SHMT2: variants seen among roughly 807,000 people sequenced by gnomAD.
SHMT2 encodes the protein serine hydroxymethyltransferase 2.
Under a neutral mutation model 59.6 loss-of-function variants are expected in SHMT2, and 38 were observed. The ratio of observed to expected loss-of-function variants is 0.64; its 90% CI spans 0.49 to 0.84. The LOEUF is 0.84. SHMT2 is among the 40% of genes least tolerant of loss of function. The pLI, the probability that SHMT2 is intolerant of heterozygous loss-of-function variation, is 0.00. For missense variants in SHMT2, 533 were observed against 659.5 expected (o/e 0.81, Z 2.10); for synonymous variants, 254 against 258.1 (o/e 0.98, Z 0.15).
chr12:57,233,276 C>T lies in SHMT2; in HGVS notation c.954C>T (p.Ala318=), dbSNP rs375063536. 3.4e-5 allele frequency: 54 copies of T among 1,609,432 alleles called. No individual in the cohort carries two copies. The South Asian group carries it at 3.8e-4, about 11-fold the overall frequency. Residue 318 remains alanine (A), a synonymous_variant, in exon 8 of 12, where the codon GCC becomes GCT. Coordinates refer to ENST00000328923, the MANE Select transcript of SHMT2 (RefSeq NM_005412.6). ...CATTTGAGGACCGAATCAACTTTGC[C>T]GTGTTCCCATCCCTGCAGGGGGGCC... is the stretch of plus-strand genomic sequence containing the variant. The part of the protein sequence containing the change: ...PYTFEDRINF[A]VFPSLQGGPH...
Position 57,230,927 on chromosome 12 carries a change from A to T in SHMT2, c.158A>T (p.Asp53Val). Reference protein sequence around the residue: ...WTGQESLSDSDPEMWELLQRE... With the variant: ...WTGQESLSDSVPEMWELLQRE... ...GGCCAGGAGAGCCTGTCGGACAGTG[A>T]TCCTGAGATGTGGGAGTTGCTGCAG... The change falls in exon 2 of 12, where the codon GAT becomes GTT. Residue 53 changes from aspartate (D) to valine (V), a missense_variant. Physicochemically the swap from Asp to Val is radical, Grantham distance 152 (BLOSUM62 -3). Coordinates refer to ENST00000328923, the MANE Select transcript of SHMT2 (RefSeq NM_005412.6). The T allele has an allele frequency of 6.2e-7, 1 of 1,613,992 alleles. No individual in the cohort carries two copies. Among genetic ancestry groups the T allele is most frequent in the Non-Finnish European group, 8.5e-7 (1 of 1,180,008 alleles).
At position 57,232,220 on chromosome 12, in the gene SHMT2, C is replaced by T. The variant is rs143094662; in HGVS notation, c.522C>T (p.His174=). The change falls in exon 5 of 12, where the codon CAC becomes CAT. Residue 174 remains histidine (H), a synonymous_variant. Transcript: ENST00000328923. The part of the protein sequence containing the change: ...LDLPDGGHLT[H]GYMSDVKRIS... ...TCCTCTCACTTCGCAGTCTCACCCA[C>T]GGCTACATGTCTGACGTCAAGCGGA... The T allele has an allele frequency of 1.2e-5, 20 of 1,614,122 alleles. No individual in the cohort carries two copies. The highest frequency in any genetic ancestry group is 8.0e-5 in the African/African-American group (6 of 75,048).
chr12:57,234,170 C>T, intron 11 of SHMT2, 60 bp downstream of exon 11: 3 of 1,613,754 alleles, frequency 1.9e-6, no homozygotes, highest in Non-Finnish European at 2.5e-6. Flanking sequence ...TGCTCCCTCC[C>T]CCAGCTGATC....
chr12:57,229,731 C>A lies in SHMT2; in HGVS notation c.-48C>A, dbSNP rs771051854. 11 of 1,612,718 alleles carry A rather than the reference C, an allele frequency of 6.8e-6. No individual in the cohort carries two copies. The highest frequency in any genetic ancestry group is 3.3e-4 in the Middle Eastern group (2 of 6,054). On this transcript the variant is annotated 5_prime_UTR_variant, in exon 1 of 12. Coordinates refer to ENST00000328923, the MANE Select transcript of SHMT2 (RefSeq NM_005412.6). ...ACGGTCTTCTTCCGACAGCTTGCTG[C>A]CCTAGACCAGAGTTGGTGGCTGGAC...
chr12:57,233,106 G>A (rs528371846), intron 7 of SHMT2, 74 bp from the exon 8 acceptor site: 13 of 1,488,164 alleles, frequency 8.7e-6, no homozygotes, highest in Middle Eastern at 2.3e-4. Flanking sequence ...GCCCAGGTCC[G>A]CCAGCTTCCT....
rs543579719 is a variant in SHMT2 at position 57,231,767 on chromosome 12, G to T, written c.366G>T (p.Arg122=). The T allele has an allele frequency of 1.9e-6, 3 of 1,614,202 alleles. No homozygotes were observed. In the Admixed American group the frequency reaches 5.0e-5, roughly 27 times the overall value. ...AAATTGAGCTGCTGTGCCAGCGCCG[G>T]GCCTTGGAAGCCTTTGACCTGGATC... ...VDEIELLCQR[R]ALEAFDLDPA... is the part of the protein sequence containing the mutation. Residue 122 remains arginine (R), a synonymous_variant, in exon 4 of 12, where the codon CGG becomes CGT. Coordinates refer to ENST00000328923, the MANE Select transcript of SHMT2 (RefSeq NM_005412.6).
chr12:57,234,005 G>A lies in SHMT2; in HGVS notation c.1282G>A (p.Ala428Thr), dbSNP rs75878068. The change falls in exon 11 of 12, where the codon GCC becomes ACC. Residue 428 changes from alanine (A) to threonine (T), a missense_variant and splice_region_variant. Ala to Thr is a moderately conservative substitution (Grantham distance 58). Transcript: ENST00000328923. Reference protein sequence around the residue: ...AITPGGLRLGAPALTSRQFRE... With the variant: ...AITPGGLRLGTPALTSRQFRE... ...CCTCCCCTTGTGCCTCGTTCCAGGG[G>A]CCCCAGCCTTAACTTCTCGACAGTT... 632 of 1,614,224 alleles carry A rather than the reference G, an allele frequency of 3.9e-4. 4 individuals carry two copies. The African/African-American group carries it at 7.6e-3, about 19-fold the overall frequency.
At position 57,234,109 on chromosome 12, in the gene SHMT2, T is replaced by C. The variant is rs773888780; in HGVS notation, c.1386T>C (p.Thr462=). ...VNIGLEVKSK[T]AKLQDFKSFL... The stretch of plus-strand genomic sequence containing the variant: ...TTGGCTTAGAGGTGAAGAGCAAGAC[T>C]GGTGAGTGAGCAAGAAGGAGCCCCG... The change falls in exon 11 of 12, where the codon ACT becomes ACC. Residue 462 remains threonine (T), a splice_region_variant and synonymous_variant. Coordinates refer to ENST00000328923, the MANE Select transcript of SHMT2 (RefSeq NM_005412.6). 1 of 1,614,138 alleles carries C rather than the reference T, an allele frequency of 6.2e-7. No individual in the cohort carries two copies. The highest frequency in any genetic ancestry group is 8.5e-7 in the Non-Finnish European group (1 of 1,179,972).
In SHMT2 at chr12:57,233,887, C is replaced by A. The variant is rs866649122; in HGVS notation, c.1262C>A (p.Pro421Gln). The stretch of plus-strand genomic sequence containing the variant: ...CCTGGAGACCGAAGTGCCATCACAC[C>A]GGGCGGCCTGCGGCTTGGTGAGACC... ...TCPGDRSAIT[P>Q]GGLRLGAPAL... Residue 421 changes from proline to glutamine, a missense_variant, in exon 10 of 12, where the codon CCG becomes CAG. Coordinates refer to ENST00000328923, the MANE Select transcript of SHMT2 (RefSeq NM_005412.6). 1 of 1,614,182 alleles carries A rather than the reference C, an allele frequency of 6.2e-7. No homozygotes were observed. The highest frequency in any genetic ancestry group is 8.5e-7 in the Non-Finnish European group (1 of 1,180,040).
At chr12:57,233,960 G>T in intron 10 of SHMT2, 43 bp from the exon 11 acceptor site, 1 of 1,614,038 alleles carries the variant, frequency 6.2e-7, no homozygotes, top group Non-Finnish European at 8.5e-7. Context: ...ACTGCCAGGT[G>T]ACCTTGGGCT....
In SHMT2 at chr12:57,233,629, G is replaced by A; in HGVS notation, c.1090G>A (p.Ala364Thr). 1.2e-6 allele frequency: 2 copies of A among 1,614,136 alleles called. No homozygotes were observed. Among genetic ancestry groups the A allele is most frequent in the Non-Finnish European group, 1.7e-6 (2 of 1,179,984 alleles). Reference sequence around the variant, plus strand: ...GAAGAATGCTCGGGCCATGGCAGATGCCCTGCTAGAGCGAGGCTACTCACT... The same window carrying A: ...GAAGAATGCTCGGGCCATGGCAGATACCCTGCTAGAGCGAGGCTACTCACT... ...VLKNARAMAD[A>T]LLERGYSLVS... The change falls in exon 9 of 12, where the codon GCC (alanine) becomes ACC (threonine). Residue 364 changes from alanine (A) to threonine (T), a missense_variant. Ala to Thr is a moderately conservative substitution (Grantham distance 58, BLOSUM62 0). Transcript: ENST00000328923.
chr12:57,233,860 G>A lies in SHMT2; in HGVS notation c.1235G>A (p.Cys412Tyr), dbSNP rs2037437460. The A allele has an allele frequency of 6.2e-7, 1 of 1,614,090 alleles. No individual in the cohort carries two copies. Among genetic ancestry groups the A allele is most frequent in the African/African-American group, 1.3e-5 (1 of 74,928 alleles). ...LVSITANKNT[C>Y]PGDRSAITPG... is the part of the protein sequence containing the mutation. ...TCCATCACTGCCAACAAGAACACCT[G>A]TCCTGGAGACCGAAGTGCCATCACA... Residue 412 changes from cysteine (C) to tyrosine (Y), a missense_variant, in exon 10 of 12, where the codon TGT becomes TAT. Cys to Tyr is a radical substitution (Grantham distance 194, BLOSUM62 -2). Transcript: ENST00000328923.
At chr12:57,232,650 GCAGGCCTCTCCGGGCCCTCCC>G in intron 6 of SHMT2, 33 bp from the exon 7 acceptor site, 1 of 1,609,908 alleles carries the variant, frequency 6.2e-7, no homozygotes, top group South Asian at 1.1e-5. Context: ...GCAGCCTTGG[GCAGGCCTCTCCGGGCCCTCCC>G]CAGGCTGAGG....
At chr12:57,232,682 C>T (rs368859292) in intron 6 of SHMT2, 22 bp from the exon 7 acceptor site, 6 of 1,606,768 alleles carry the variant, frequency 3.7e-6, no homozygotes, top group Middle Eastern at 3.3e-4. Context: ...CAGGCTGAGG[C>T]CTTGCCTCTG....
intron 1 of SHMT2, 150 bp downstream of exon 1, chr12:57,229,961 CA>C: frequency 3.4e-6 from 5 of 1,467,144 alleles, no homozygotes; most frequent in Non-Finnish European, 4.5e-6. Context: ...GGGGAATCCC[CA>C]AGACCCCTGG....
At chr12:57,231,584 G>A (rs376129607) in intron 3 of SHMT2, 24 bp downstream of exon 3, 325 of 1,613,832 alleles carry the variant, frequency 2.0e-4, no homozygotes, top group Non-Finnish European at 2.7e-4. Context: ...GGCAGTGTCA[G>A]GGATGGTGCT....
intron 7 of SHMT2, 105 bp from the exon 8 acceptor site, chr12:57,233,075 C>A: frequency 7.3e-7 from 1 of 1,368,242 alleles, no homozygotes; most frequent in Non-Finnish European, 9.9e-7. Context: ...GTACCAAGCC[C>A]ACGTGAGCTG....
chr12:57,233,804 A>T lies in SHMT2; in HGVS notation c.1179A>T (p.Gly393=). Residue 393 remains glycine (G), a synonymous_variant, in exon 10 of 12, where the codon GGA becomes GGT. Coordinates refer to ENST00000328923, the MANE Select transcript of SHMT2 (RefSeq NM_005412.6). ...LVDLRPKGLD[G]ARAERVLELV... is the part of the protein sequence containing the mutation. ...ACCTGCGGCCCAAGGGCCTGGATGG[A>T]GCTCGGGCTGAGCGGGTGCTAGAGC... 1 of 1,614,194 alleles carries T rather than the reference A, an allele frequency of 6.2e-7. No homozygotes were observed. The highest frequency in any genetic ancestry group is 1.1e-5 in the South Asian group (1 of 91,088).
At chr12:57,230,067 G>A in intron 1 of SHMT2, 2 of 1,396,886 alleles carry the variant, frequency 1.4e-6, no homozygotes, top group Non-Finnish European at 1.9e-6. Flanking sequence ...TTAGGGGAGA[G>A]GACAGCCCCG....
Sources: allele counts gnomAD v4.1 joint callset, GRCh38; gene constraint gnomAD v4.1.1; transcripts MANE v1.5; gene names NCBI Gene and HGNC (gene_info 2026-07-23, HGNC 2026-07-21).